Variants in SYBU observed in about 807,000 individuals in gnomAD.
The protein encoded by SYBU is GOLSYN A protein.
SYBU carries 21 observed loss-of-function variants against 35.9 expected under a neutral mutation model. That is an observed-to-expected ratio of 0.58 (90% confidence interval 0.41 to 0.84). The LOEUF (loss-of-function observed/expected upper bound fraction) is 0.84. Among genes scored for constraint, SYBU ranks in the 40% least tolerant of loss-of-function variants. The pLI, the probability that SYBU is intolerant of heterozygous loss-of-function variation, is 0.00. For synonymous variants in SYBU, 319 were observed against 324.3 expected (o/e 0.98, Z 0.18); for missense variants, 768 against 848.2 (o/e 0.91, Z 1.17).
chr8:109,669,320 C>A (rs1202942192), intron 1 of SYBU, among the ~76,000 whole-genome samples: 2 of 120,576 alleles, frequency 1.7e-5, no homozygotes, highest in Non-Finnish European at 3.2e-5. Flanking sequence ...CCAGCCTGGG[C>A]GACAGAGTGA....
At chr8:109,646,764 C>G (rs1441437347), upstream of SYBU, 2 of 152,218 alleles carry the variant, frequency 1.3e-5, no homozygotes, top group African/African-American at 4.8e-5. Flanking sequence ...CTGAGTTAGC[C>G]AAGTCAGAAC....
chr8:109,659,062 A>T (rs906604637), intron 1 of SYBU, among the ~76,000 whole-genome samples: 9 of 152,322 alleles, frequency 5.9e-5, no homozygotes, highest in African/African-American at 2.2e-4. Context: ...GATCTCACTC[A>T]TGTAGAACTT....
At chr8:109,616,028 T>TTTTTC (rs1586838528) in intron 3 of SYBU, among the ~76,000 whole-genome samples, 1 of 115,944 alleles carries the variant, frequency 8.6e-6, no homozygotes, top group Non-Finnish European at 1.7e-5. Context: ...TTTTTTTTTT[T>TTTTTC]TGAGACAGAG....
At chr8:109,676,820 A>T (rs1244189027) in intron 1 of SYBU, among the ~76,000 whole-genome samples, 1 of 152,218 alleles carries the variant, frequency 6.6e-6, no homozygotes, top group East Asian at 1.9e-4. Flanking sequence ...TGAGCTATGG[A>T]CATGGCACCC....
chr8:109,659,537 T>C (rs1337505541), intron 1 of SYBU, among the ~76,000 whole-genome samples: 3 of 152,228 alleles, frequency 2.0e-5, no homozygotes, highest in Non-Finnish European at 4.4e-5. Flanking sequence ...AGCATTATAT[T>C]TCACATTGGT....
intron 1 of SYBU, among the ~76,000 whole-genome samples, chr8:109,655,631 C>T (rs1816323763): frequency 6.6e-6 from 1 of 152,068 alleles, no homozygotes; most frequent in Admixed American, 6.6e-5. Context: ...CCCCATGATT[C>T]CTTGTTATAG....
chr8:109,690,223 A>C (rs896009304), intron 1 of SYBU, among the ~76,000 whole-genome samples: 8 of 152,326 alleles, frequency 5.3e-5, no homozygotes, highest in Non-Finnish European at 7.3e-5. Context: ...CATATAAAAA[A>C]AAATGATTTC....
intron 1 of SYBU, among the ~76,000 whole-genome samples, chr8:109,651,554 G>C (rs982095424): frequency 1.4e-5 from 2 of 139,028 alleles, no homozygotes; most frequent in Non-Finnish European, 3.0e-5. Flanking sequence ...TAGCTAAAAA[G>C]GAAAGAAGAA....
At chr8:109,687,131 C>T (rs76838998) in intron 1 of SYBU, among the ~76,000 whole-genome samples, 5,296 of 151,972 alleles carry the variant, frequency 0.035, 305 homozygotes, top group African/African-American at 0.12. Context: ...CTATGGCTTA[C>T]CATAAGAAAT....
chr8:109,619,389 A>G (rs1228325785), intron 2 of SYBU, among the ~76,000 whole-genome samples: 1 of 151,590 alleles, frequency 6.6e-6, no homozygotes, highest in Non-Finnish European at 1.5e-5. Context: ...AGGCCCGGGT[A>G]TTTTTTGTGT....
At chr8:109,642,563 G>T (rs73319202) in intron 2 of SYBU, among the ~76,000 whole-genome samples, 165 bp downstream of exon 2, 1,894 of 152,350 alleles carry the variant, frequency 0.012, 23 homozygotes, top group African/African-American at 0.043. Flanking sequence ...ATATGAAACT[G>T]CTGTGTTTGT....
intron 2 of SYBU, among the ~76,000 whole-genome samples, chr8:109,638,541 A>C (rs1814489277): frequency 6.6e-6 from 1 of 152,002 alleles, no homozygotes; most frequent in South Asian, 2.1e-4. Flanking sequence ...CAAACAAAAA[A>C]CTTTTTTTTT....
intron 3 of SYBU, among the ~76,000 whole-genome samples, chr8:109,598,248 T>C (rs1825119953): frequency 6.6e-6 from 1 of 152,232 alleles, no homozygotes; most frequent in African/African-American, 2.4e-5. Flanking sequence ...CACTGTAGTA[T>C]ATATTTTGGG....
Position 109,574,910 on chromosome 8 carries a change from G to A in SYBU, c.1988C>T (p.Thr663Ile), listed in dbSNP as rs774840003. 10 of 1,514,182 alleles carry A rather than the reference G, an allele frequency of 6.6e-6. No homozygotes were observed. The South Asian group carries it at 9.4e-5, about 14-fold the overall frequency. 93.8% of individuals were successfully genotyped at this position (1,514,182 alleles called of 1,614,324 possible). Residue 663 changes from threonine to isoleucine, a missense_variant, in exon 7 of 7, where the codon ACC becomes ATC. Coordinates refer to ENST00000276646, the MANE Select transcript of SYBU (RefSeq NM_001099754.2). ...SLRRTAFRIK[T>I] ...CACGGTAACAACAACTTCTATTTAGGTTTTGATACGGAAGGCGGTGCGGCG... is the reference window on the plus strand; with the variant it reads ...CACGGTAACAACAACTTCTATTTAGATTTTGATACGGAAGGCGGTGCGGCG...
intron 1 of SYBU, among the ~76,000 whole-genome samples, chr8:109,686,570 A>G (rs976369522): frequency 1.3e-5 from 2 of 152,178 alleles, no homozygotes; most frequent in East Asian, 1.9e-4. Flanking sequence ...GAGTTTCCCC[A>G]GGCACAGGTT....
At chr8:109,593,970 A>G (rs1179154037) in intron 3 of SYBU, among the ~76,000 whole-genome samples, 5 of 152,242 alleles carry the variant, frequency 3.3e-5, no homozygotes, top group African/African-American at 1.2e-4. Flanking sequence ...AGACTTGTAC[A>G]TGGGACTTAT....
At chr8:109,641,854 T>G (rs1445898442) in intron 2 of SYBU, among the ~76,000 whole-genome samples, 1 of 152,230 alleles carries the variant, frequency 6.6e-6, no homozygotes, top group Non-Finnish European at 1.5e-5. Context: ...ACACTGTTGG[T>G]GGGAGTGTAA....
chr8:109,681,186 G>A (rs918258341), upstream of SYBU, among the ~76,000 whole-genome samples: 5 of 152,200 alleles, frequency 3.3e-5, no homozygotes, highest in Non-Finnish European at 7.3e-5. Flanking sequence ...TGTCCATTAA[G>A]GAAGTCAAGA....
intron 2 of SYBU, among the ~76,000 whole-genome samples, chr8:109,621,264 GCTAGTC>G (rs1812369765): frequency 6.6e-6 from 1 of 152,206 alleles, no homozygotes; most frequent in African/African-American, 2.4e-5. Context: ...TGTTTTCAGT[GCTAGTC>G]CTTTCAAGGA....
Sources: allele counts gnomAD v4.1 joint callset (sites outside exome capture counted in the v4.1 genomes callset), GRCh38; gene constraint gnomAD v4.1.1; transcripts MANE v1.5; gene names NCBI Gene and HGNC (gene_info 2026-07-23, HGNC 2026-07-21).